Variants in HEATR3 observed in about 807,000 individuals in gnomAD.
HEATR3 encodes the protein HEAT repeat containing 3.
In HEATR3, 56 loss-of-function variants were observed where a neutral mutation model predicts 72.8. The observed-to-expected ratio is 0.77, with a 90% CI of 0.62 to 0.96. HEATR3 has a LOEUF of 0.96. HEATR3 is among the 40% of genes least tolerant of loss of function. HEATR3 has a pLI of 0.00. For missense variants in HEATR3, 747 were observed against 831.4 expected (o/e 0.90, Z 1.25); for synonymous variants, 331 against 318.1 (o/e 1.04, Z -0.43).
intron 12 of HEATR3, chr16:50,098,324 A>G (rs2037290287): frequency 6.6e-6 from 1 of 152,092 alleles, no homozygotes; most frequent in African/African-American, 2.4e-5. Flanking sequence ...TGAAGTTGGT[A>G]TACAACCCCC....
intron 6 of HEATR3, among the ~76,000 whole-genome samples, chr16:50,078,119 C>T (rs2036781163): frequency 6.6e-6 from 1 of 151,966 alleles, no homozygotes; most frequent in Non-Finnish European, 1.5e-5. Flanking sequence ...TCGAGTGATC[C>T]TCCCACCTTG....
chr16:50,094,200 A>T (rs1054662019), intron 11 of HEATR3, among the ~76,000 whole-genome samples: 1 of 152,190 alleles, frequency 6.6e-6, no homozygotes, highest in African/African-American at 2.4e-5. Flanking sequence ...TGTGCGAATA[A>T]GGAGTAGGAG....
chr16:50,068,264 T>A (rs962452637), intron 2 of HEATR3, among the ~76,000 whole-genome samples: 5 of 152,220 alleles, frequency 3.3e-5, no homozygotes, highest in African/African-American at 1.2e-4. Flanking sequence ...GGGGGTGTCA[T>A]TCTCAGTAGC....
chr16:50,078,032 A>G lies in HEATR3; in HGVS notation c.764-709A>G, dbSNP rs1323375016. On this transcript the variant is annotated intron_variant, in intron 6 of 14. Coordinates refer to ENST00000299192, the MANE Select transcript of HEATR3 (RefSeq NM_182922.4). ...GCTGGGATTACAAGCGCCCACCACC[A>G]CGCCTGGCTGATTTTTGTATTTTTA... 2.0e-5 allele frequency among the ~76,000 whole-genome samples: 3 copies of G among 151,450 alleles called. No homozygotes were observed. In the East Asian group the frequency reaches 5.8e-4, roughly 29 times the overall value.
At chr16:50,099,352 C>T (rs1469422789) in intron 12 of HEATR3, among the ~76,000 whole-genome samples, 2 of 152,160 alleles carry the variant, frequency 1.3e-5, no homozygotes, top group African/African-American at 4.8e-5. Flanking sequence ...TACTAATAAT[C>T]CTAACACTTT....
chr16:50,068,670 T>C, intron 2 of HEATR3, 110 bp from the exon 3 acceptor site: 1 of 801,518 alleles, frequency 1.2e-6, no homozygotes. Flanking sequence ...AACAATAAGC[T>C]ATTTCCTCTG....
chr16:50,066,336 G>C lies in HEATR3; in HGVS notation c.139-31G>C, dbSNP rs778378314. On this transcript the variant is annotated intron_variant, in intron 1 of 14. Transcript: ENST00000299192. ...TGCCCCGCGCGCGTGCGCATTGCGCGCCTTCTGACCCTTTTCGCTCTCATC... is the reference window on the plus strand; with the variant it reads ...TGCCCCGCGCGCGTGCGCATTGCGCCCCTTCTGACCCTTTTCGCTCTCATC... The C allele has an allele frequency of 3.2e-6, 5 of 1,558,032 alleles. No homozygotes were observed. The African/African-American group carries it at 7.0e-5, about 22-fold the overall frequency.
chr16:50,092,880 A>G (rs1410873364), intron 11 of HEATR3, among the ~76,000 whole-genome samples: 1 of 152,220 alleles, frequency 6.6e-6, no homozygotes, highest in African/African-American at 2.4e-5. Context: ...TAAATGTTTT[A>G]TGTGATATTA....
intron 14 of HEATR3, among the ~76,000 whole-genome samples, chr16:50,104,334 CAGAG>C (rs779602998): frequency 1.2e-4 from 19 of 152,084 alleles, no homozygotes; most frequent in African/African-American, 3.6e-4. Context: ...GCCTGGGCGA[CAGAG>C]AGAGACCCTG....
intron 7 of HEATR3, among the ~76,000 whole-genome samples, chr16:50,083,535 C>T (rs996053207): frequency 6.6e-6 from 1 of 152,106 alleles, no homozygotes; most frequent in African/African-American, 2.4e-5. Context: ...CATCTAAAAG[C>T]AGGTTTGGTG....
Position 50,084,246 on chromosome 16 carries a change from C to T in HEATR3, c.1245C>T (p.Ser415=). The T allele has an allele frequency of 6.2e-7, 1 of 1,614,150 alleles. No homozygotes were observed. ...GGQLFSPLCL[S]HEVHTALTNY... Reference sequence around the variant, plus strand: ...AGCTGTTTTCTCCCCTCTGCCTCTCCCATGAAGTTCACACGGCTCTCACCA... The same window carrying T: ...AGCTGTTTTCTCCCCTCTGCCTCTCTCATGAAGTTCACACGGCTCTCACCA... The change falls in exon 9 of 15, where the codon TCC becomes TCT. Residue 415 remains serine, a synonymous_variant. Coordinates refer to ENST00000299192, the MANE Select transcript of HEATR3 (RefSeq NM_182922.4).
chr16:50,079,615 C>CAGAG (rs2036821109), intron 7 of HEATR3, among the ~76,000 whole-genome samples: 1 of 152,062 alleles, frequency 6.6e-6, no homozygotes, highest in Admixed American at 6.5e-5. Flanking sequence ...ACACAGTCTG[C>CAGAG]AGAGAGAGAA....
chr16:50,071,822 G>A (rs372039390), intron 4 of HEATR3, among the ~76,000 whole-genome samples: 1 of 152,132 alleles, frequency 6.6e-6, no homozygotes, highest in Non-Finnish European at 1.5e-5. Flanking sequence ...TGTACAACAT[G>A]GATATTTCCT....
intron 3 of HEATR3, among the ~76,000 whole-genome samples, chr16:50,069,487 C>A (rs921187300): frequency 6.6e-6 from 1 of 152,186 alleles, no homozygotes; most frequent in Non-Finnish European, 1.5e-5. Flanking sequence ...TGGGTATGAT[C>A]TTGCTTCACA....
chr16:50,095,405 CTTTTTT>C (rs60357183), intron 12 of HEATR3, among the ~76,000 whole-genome samples: 2 of 136,120 alleles, frequency 1.5e-5, no homozygotes, highest in Non-Finnish European at 3.1e-5. Context: ...CCGTACCCAG[CTTTTTT>C]TTTTTTTTTT....
At chr16:50,072,279 C>A (rs1372456713) in intron 4 of HEATR3, among the ~76,000 whole-genome samples, 1 of 152,096 alleles carries the variant, frequency 6.6e-6, no homozygotes, top group African/African-American at 2.4e-5. Flanking sequence ...CCACTTGGGG[C>A]CTGGGTCTTC....
chr16:50,075,735 GTA>G (rs2036712921), intron 6 of HEATR3, 24 bp downstream of exon 6: 1 of 1,595,730 alleles, frequency 6.3e-7, no homozygotes, highest in South Asian at 1.1e-5. Context: ...TTACGGCATA[GTA>G]TATTGTTTCA....
chr16:50,081,516 G>A (rs1024190119), intron 7 of HEATR3, among the ~76,000 whole-genome samples: 3 of 151,994 alleles, frequency 2.0e-5, no homozygotes, highest in Admixed American at 6.6e-5. Context: ...GTGGTGGGGC[G>A]GGGGGTAGAG....
intron 11 of HEATR3, among the ~76,000 whole-genome samples, chr16:50,092,506 G>A (rs1597167167): frequency 2.1e-5 from 3 of 144,280 alleles, no homozygotes; most frequent in African/African-American, 5.2e-5. Context: ...GCGCGATCTC[G>A]GCTCACTGCA....
Sources: gnomAD v4.1 joint callset for allele counts (sites outside exome capture counted in the v4.1 genomes callset) on GRCh38, gnomAD v4.1.1 for gene constraint, MANE v1.5 for transcripts, NCBI Gene and HGNC (gene_info 2026-07-23, HGNC 2026-07-21) for gene names.